TLE1: variants seen among roughly 807,000 people sequenced by gnomAD.
The protein encoded by TLE1 is TLE family member 1, transcriptional corepressor.
A neutral mutation model predicts 89.8 loss-of-function variants in TLE1; 21 were observed. The observed-to-expected ratio is 0.23, with a 90% CI of 0.17 to 0.34. The LOEUF (loss-of-function observed/expected upper bound fraction) is 0.34. TLE1 is among the 10% of genes least tolerant of loss of function. The pLI is 1.00. For synonymous variants in TLE1, 447 were observed against 407.6 expected, an observed-to-expected ratio of 1.10 and a Z score of -1.16; for missense variants, 795 against 1,031.2, an observed-to-expected ratio of 0.77 and a Z score of 3.14.
chr9:81,615,601 T>C lies in TLE1; in HGVS notation c.918+381A>G, dbSNP rs962584967. Among the ~76,000 whole-genome samples the C allele has an allele frequency of 2.0e-5, 3 of 147,152 alleles. No individual in the cohort carries two copies. The Admixed American group carries it at 2.0e-4, about 10-fold the overall frequency. On this transcript the variant is annotated intron_variant, in intron 11 of 19. Transcript: ENST00000376499. Reference sequence around the variant, plus strand: ...GGTCGCGCGCGCCTGTAATCCCAGCTACTCAGGGGGCAGAGGCAGGAGAAT... The same window carrying C: ...GGTCGCGCGCGCCTGTAATCCCAGCCACTCAGGGGGCAGAGGCAGGAGAAT...
chr9:81,660,294 G>A (rs1460450407), intron 4 of TLE1, among the ~76,000 whole-genome samples: 3 of 148,594 alleles, frequency 2.0e-5, no homozygotes, highest in African/African-American at 7.4e-5. Flanking sequence ...TGGCCAAGGT[G>A]CAACCAGATA....
rs536827805 is a variant in TLE1 at position 81,592,290 on chromosome 9, G to A, written c.1581+735C>T. On this transcript the variant is annotated intron_variant, in intron 15 of 19. Transcript: ENST00000376499. ...GGAGAACGGCGTAAACCCCGGAGGCGGAGCCTGCAGTGAGCCGAGATCCGG... is the reference window on the plus strand; with the variant it reads ...GGAGAACGGCGTAAACCCCGGAGGCAGAGCCTGCAGTGAGCCGAGATCCGG... Among the ~76,000 whole-genome samples the A allele has an allele frequency of 1.8e-3, 275 of 152,316 alleles. 1 individual carries two copies. The highest frequency in any genetic ancestry group is 3.1e-3 in the Non-Finnish European group (208 of 68,018).
chr9:81,606,802 T>TAG (rs371805789), intron 14 of TLE1, among the ~76,000 whole-genome samples: 12,727 of 151,320 alleles, frequency 0.084, 675 homozygotes, highest in Non-Finnish European at 0.12. Context: ...TATATATATA[T>TAG]AGAGAGAGAG....
chr9:81,638,926 T>TA, intron 6 of TLE1, among the ~76,000 whole-genome samples: 1 of 150,812 alleles, frequency 6.6e-6, no homozygotes, highest in South Asian at 2.1e-4. Flanking sequence ...CACCAGCCGA[T>TA]ACATGCATTT....
intron 16 of TLE1, among the ~76,000 whole-genome samples, chr9:81,588,602 G>A (rs984763926): frequency 2.6e-5 from 4 of 152,138 alleles, no homozygotes; most frequent in Non-Finnish European, 2.9e-5. Context: ...CATCAGAAAC[G>A]ATCAGCCAAC....
intron 6 of TLE1, among the ~76,000 whole-genome samples, chr9:81,640,754 T>C (rs1412200904): frequency 6.6e-6 from 1 of 152,182 alleles, no homozygotes; most frequent in Non-Finnish European, 1.5e-5. Flanking sequence ...ATTCAGAGTG[T>C]TACTGTAATG....
rs1201306413 is a variant in TLE1 at position 81,630,136 on chromosome 9, GA to G, written c.594+3211del. Among the ~76,000 whole-genome samples, 243 of 144,028 alleles carry G rather than the reference GA, an allele frequency of 1.7e-3. 1 individual carries two copies. Among genetic ancestry groups the G allele is most frequent in the African/African-American group, 4.3e-3 (171 of 39,446 alleles). The allele number at this position is 144,028 out of a possible 152,430, so 94.5% of individuals were successfully genotyped here. On this transcript the variant is annotated intron_variant, in intron 8 of 19. Transcript: ENST00000376499. ...TTCAATATAGAAAGACAAACAAGAA[GA>G]AAAAAAAAAACAGTAAGGAGTTCGT...
intron 6 of TLE1, among the ~76,000 whole-genome samples, chr9:81,637,002 CAAAA>C (rs370837419): frequency 1.3e-5 from 1 of 78,838 alleles, no homozygotes; most frequent in South Asian, 4.1e-4. Context: ...GACTCCGTCT[CAAAA>C]AAAAAAAAAA....
intron 4 of TLE1, among the ~76,000 whole-genome samples, chr9:81,671,939 A>G (rs932400471): frequency 2.6e-4 from 40 of 152,320 alleles, no homozygotes; most frequent in African/African-American, 9.1e-4. Context: ...GAGGGAGCTC[A>G]TGGCCCAAGC....
intron 16 of TLE1, among the ~76,000 whole-genome samples, chr9:81,590,270 A>T (rs1288576627): frequency 6.6e-6 from 1 of 152,244 alleles, no homozygotes; most frequent in Non-Finnish European, 1.5e-5. Flanking sequence ...TGATGCCAGA[A>T]GGCCAGGCAG....
chr9:81,665,823 A>G (rs1357887881), intron 4 of TLE1, among the ~76,000 whole-genome samples: 1 of 151,602 alleles, frequency 6.6e-6, no homozygotes, highest in Non-Finnish European at 1.5e-5. Context: ...TTTATTTGCA[A>G]ATGACAAGCT....
intron 4 of TLE1, among the ~76,000 whole-genome samples, chr9:81,675,708 G>GTTTTTTTTTTTTTTTGTTTTTTTT (rs61458315): frequency 7.6e-6 from 1 of 132,440 alleles, no homozygotes; most frequent in African/African-American, 3.0e-5. Flanking sequence ...GTTTTTTTTT[G>GTTTTTTTTTTTTTTTGTTTTTTTT]TTTTTTTTTT....
intron 6 of TLE1, among the ~76,000 whole-genome samples, chr9:81,643,026 T>C (rs1016146251): frequency 6.6e-6 from 1 of 151,976 alleles, no homozygotes; most frequent in Non-Finnish European, 1.5e-5. Context: ...AATCTAAGAG[T>C]ACAACTCACA....
At position 81,610,260 on chromosome 9, in the gene TLE1, T is replaced by C. The variant is rs764939737; in HGVS notation, c.1291A>G (p.Thr431Ala). The C allele has an allele frequency of 1.9e-6, 3 of 1,613,866 alleles. No individual in the cohort carries two copies. The highest frequency in any genetic ancestry group is 2.7e-5 in the African/African-American group (2 of 74,894). ...ATTCCTGCCAGGTTTGGAGGAATGGTAGGTACTCTCATGTGAGGGGGAGGA... is the reference window on the plus strand; with the variant it reads ...ATTCCTGCCAGGTTTGGAGGAATGGCAGGTACTCTCATGTGAGGGGGAGGA... ...FDPPPHMRVPTIPPNLAGIPG... is the reference protein window; with the variant it reads ...FDPPPHMRVPAIPPNLAGIPG... Residue 431 changes from threonine to alanine, a missense_variant, in exon 14 of 20, where the codon ACC becomes GCC. Transcript: ENST00000376499.
At position 81,688,510 on chromosome 9, in the gene TLE1, G is replaced by A. The variant is rs114044562; in HGVS notation, c.-270C>T. On this transcript the variant is annotated 5_prime_UTR_variant, in exon 1 of 20. Transcript: ENST00000376499. ...CTTCAAGAACCTGCGCGGAGACGTCGGGCGCTCGGGGACTGTGCGCGGGGG... is the reference window on the plus strand; with the variant it reads ...CTTCAAGAACCTGCGCGGAGACGTCAGGCGCTCGGGGACTGTGCGCGGGGG... 1.8e-5 allele frequency: 7 copies of A among 382,428 alleles called. No homozygotes were observed. Among genetic ancestry groups the A allele is most frequent in the Middle Eastern group, 7.0e-4 (1 of 1,432 alleles). The allele number at this position is 382,428 out of a possible 1,614,324, so 23.7% of individuals were successfully genotyped here. A position where few individuals can be genotyped will look rare whatever the true frequency, so the allele number is the denominator to read the frequency against.
At chr9:81,621,883 T>C (rs188707460) in intron 8 of TLE1, among the ~76,000 whole-genome samples, 255 of 152,258 alleles carry the variant, frequency 1.7e-3, no homozygotes, top group African/African-American at 5.8e-3. Context: ...TGGGCTCTTT[T>C]ATTCATGACT....
At position 81,634,236 on chromosome 9, in the gene TLE1, G is replaced by A. The variant is rs370867475; in HGVS notation, c.438C>T (p.His146=). 8.8e-6 allele frequency: 14 copies of A among 1,587,090 alleles called. No homozygotes were observed. In the African/African-American group the frequency reaches 1.9e-4, roughly 21 times the overall value. The part of the protein sequence containing the change: ...GHGPPVPLTP[H]PSGLQPPGIP... ...TTCCAGGAGGCTGAAGTCCCGAAGG[G>A]TGAGGCGTAAGGGGAACTGGGGGTC... is the stretch of plus-strand genomic sequence containing the variant. Residue 146 remains histidine, a synonymous_variant, in exon 7 of 20, where the codon CAC becomes CAT. Coordinates refer to ENST00000376499, the MANE Select transcript of TLE1 (RefSeq NM_005077.5).
chr9:81,604,251 C>T (rs536976835), intron 14 of TLE1, among the ~76,000 whole-genome samples: 5 of 152,222 alleles, frequency 3.3e-5, no homozygotes, highest in African/African-American at 1.2e-4. Context: ...GGTGGGGTCC[C>T]CTATGCCTAT....
At chr9:81,645,379 AT>A (rs1053777773) in intron 6 of TLE1, among the ~76,000 whole-genome samples, 3 of 144,018 alleles carry the variant, frequency 2.1e-5, no homozygotes, top group Middle Eastern at 4.0e-3. Context: ...AAAAAAAAAA[AT>A]AATAGTAATA....
Sources: allele counts gnomAD v4.1 joint callset (sites outside exome capture counted in the v4.1 genomes callset), GRCh38; gene constraint gnomAD v4.1.1; transcripts MANE v1.5; gene names NCBI Gene and HGNC (gene_info 2026-07-23, HGNC 2026-07-21).